The following DLGAP2 variants were observed in gnomAD, a reference collection of about 807,000 sequenced individuals.
DLGAP2 encodes the protein disks large-associated protein 2.
Under a neutral mutation model 100.3 loss-of-function variants are expected in DLGAP2, and 26 were observed. That is an observed-to-expected ratio of 0.26 (90% CI 0.19 to 0.36). The LOEUF is 0.36. Ranked by LOEUF, DLGAP2 falls within the 10% of genes least tolerant of loss-of-function variation. The pLI is 1.00. For synonymous variants in DLGAP2, 886 were observed against 630.1 expected, an observed-to-expected ratio of 1.41 and a Z score of -6.08; for missense variants, 1,858 against 1,453.2, an observed-to-expected ratio of 1.28 and a Z score of -4.53.
intron 2 of DLGAP2, among the ~76,000 whole-genome samples, chr8:1,173,025 G>T (rs1192402908): frequency 6.6e-6 from 1 of 151,976 alleles, no homozygotes; most frequent in Non-Finnish European, 1.5e-5. Flanking sequence ...TCTACTTTTG[G>T]TCTTTGATGA....
chr8:953,984 G>A (rs759912198), intron 2 of DLGAP2, among the ~76,000 whole-genome samples: 63 of 152,294 alleles, frequency 4.1e-4, no homozygotes, highest in Admixed American at 5.9e-4. Context: ...TGTGCCACTG[G>A]TGCTGGCTGT....
rs537572322 is a variant in DLGAP2, at chr8:1,018,379, A to T, written c.73+110413A>T. On this transcript the variant is annotated intron_variant, in intron 2 of 14. Transcript: ENST00000637795. Reference sequence around the variant, plus strand: ...TTTTACTGGGATTCTATTTCGCATTAGGTTGGGAAGTCCTCCTGCAAGCAA... The same window carrying T: ...TTTTACTGGGATTCTATTTCGCATTTGGTTGGGAAGTCCTCCTGCAAGCAA... 8.1e-4 allele frequency among the ~76,000 whole-genome samples: 124 copies of T among 152,312 alleles called. 1 individual carries two copies. The highest frequency in any genetic ancestry group is 2.8e-3 in the African/African-American group (117 of 41,578).
intron 3 of DLGAP2, among the ~76,000 whole-genome samples, chr8:1,292,146 C>G (rs1800072897): frequency 6.6e-6 from 1 of 152,220 alleles, no homozygotes; most frequent in African/African-American, 2.4e-5. Context: ...TGGACACCCT[C>G]CAGAATCGCT....
chr8:1,383,371 G>C (rs547851343), intron 3 of DLGAP2, among the ~76,000 whole-genome samples: 17 of 152,344 alleles, frequency 1.1e-4, no homozygotes, highest in African/African-American at 4.1e-4. Context: ...ATAAAGGGCA[G>C]CAATCCTGAA....
intron 2 of DLGAP2, among the ~76,000 whole-genome samples, chr8:1,053,250 T>C (rs2701908): frequency 0.37 from 56,765 of 151,960 alleles, 10,795 homozygotes; most frequent in East Asian, 0.48. Context: ...GCCAGTCTAT[T>C]TGGGCAAATT....
intron 3 of DLGAP2, among the ~76,000 whole-genome samples, chr8:1,435,207 A>G (rs1797581038): frequency 6.6e-6 from 1 of 152,190 alleles, no homozygotes; most frequent in African/African-American, 2.4e-5. Context: ...GTGTGACTTG[A>G]GCAGCTTTTG....
At chr8:1,210,542 C>T (rs1212437115) in intron 2 of DLGAP2, among the ~76,000 whole-genome samples, 1 of 152,212 alleles carries the variant, frequency 6.6e-6, no homozygotes, top group Non-Finnish European at 1.5e-5. Context: ...CCAGCAAGCA[C>T]AGCACAGGCC....
At chr8:1,359,371 G>C (rs1477442336) in intron 3 of DLGAP2, among the ~76,000 whole-genome samples, 1 of 152,262 alleles carries the variant, frequency 6.6e-6, no homozygotes, top group Non-Finnish European at 1.5e-5. Flanking sequence ...AAAGGAAATT[G>C]AGCCTGTGCT....
intron 8 of DLGAP2, among the ~76,000 whole-genome samples, chr8:1,665,720 G>A (rs1292567586): frequency 1.3e-5 from 2 of 152,232 alleles, no homozygotes; most frequent in Non-Finnish European, 2.9e-5. Flanking sequence ...CCGCAGTCTC[G>A]CTCCAGCGCG....
intron 1 of DLGAP2, among the ~76,000 whole-genome samples, chr8:825,370 C>A (rs2132692853): frequency 6.6e-6 from 1 of 152,292 alleles, no homozygotes; most frequent in East Asian, 1.9e-4. Context: ...TCAGAGAGTT[C>A]TCTGTTGTGG....
At chr8:1,295,518 C>T (rs893875457) in intron 3 of DLGAP2, among the ~76,000 whole-genome samples, 1 of 152,170 alleles carries the variant, frequency 6.6e-6, no homozygotes, top group East Asian at 1.9e-4. Flanking sequence ...TGCTGGAGCA[C>T]CCCAGCCATC....
At chr8:1,474,264 T>C (rs1032297941) in intron 3 of DLGAP2, among the ~76,000 whole-genome samples, 2 of 152,208 alleles carry the variant, frequency 1.3e-5, no homozygotes, top group Non-Finnish European at 2.9e-5. Flanking sequence ...TACCACAGTT[T>C]CTTTATCCAC....
intron 1 of DLGAP2, among the ~76,000 whole-genome samples, chr8:816,131 C>T (rs1438189617): frequency 6.6e-6 from 1 of 152,144 alleles, no homozygotes; most frequent in Admixed American, 6.6e-5. Flanking sequence ...TTGAAGACAG[C>T]AGAAACTTGG....
At chr8:1,696,642 G>A (rs911486531) in intron 13 of DLGAP2, among the ~76,000 whole-genome samples, 3 of 152,210 alleles carry the variant, frequency 2.0e-5, no homozygotes, top group South Asian at 2.1e-4. Context: ...TGTGGGCGCC[G>A]GTTGGTGAGA....
chr8:1,635,659 C>T (rs1003631647), intron 8 of DLGAP2, among the ~76,000 whole-genome samples: 1 of 152,172 alleles, frequency 6.6e-6, no homozygotes, highest in Non-Finnish European at 1.5e-5. Flanking sequence ...TTTATTTAAA[C>T]ACATTACTTT....
chr8:1,700,197 C>T (rs1271004389), intron 14 of DLGAP2, among the ~76,000 whole-genome samples: 1 of 152,226 alleles, frequency 6.6e-6, no homozygotes, highest in Non-Finnish European at 1.5e-5. Context: ...CACCTCTGGG[C>T]TCCCTTTGGA....
chr8:1,602,317 G>T (rs1005456674), intron 6 of DLGAP2, among the ~76,000 whole-genome samples: 1 of 152,160 alleles, frequency 6.6e-6, no homozygotes, highest in African/African-American at 2.4e-5. Flanking sequence ...CTAATTAATG[G>T]TGTGCTCTGA....
Position 1,328,743 on chromosome 8 carries a change from A to G in DLGAP2, c.106+69860A>G, listed in dbSNP as rs145493215. ...CAGAACAACAACCACAGCAAAATGA[A>G]CTAAGCTTCCCATAATAACGGGAGA... On this transcript the variant is annotated intron_variant, in intron 3 of 14. Coordinates refer to ENST00000637795, the MANE Select transcript of DLGAP2 (RefSeq NM_001346810.2). 2.4e-3 allele frequency among the ~76,000 whole-genome samples: 371 copies of G among 152,350 alleles called. 5 individuals are homozygous for G. Among genetic ancestry groups the G allele is most frequent in the South Asian group, 0.015 (70 of 4,824 alleles).
rs146167502 is a variant in DLGAP2 at position 1,603,966 on chromosome 8, C to G, written c.1443-22774C>G. 3.0e-3 allele frequency among the ~76,000 whole-genome samples: 459 copies of G among 152,258 alleles called. 1 individual carries two copies. Among genetic ancestry groups the G allele is most frequent in the African/African-American group, 0.01 (430 of 41,544 alleles). ...TCCTGCAGCTCCAACCCCCACCTCC[C>G]CACATACCCCAGCCACCGCGTCGGC... On this transcript the variant is annotated intron_variant, in intron 6 of 14. Coordinates refer to ENST00000637795, the MANE Select transcript of DLGAP2 (RefSeq NM_001346810.2).
Sources: allele counts gnomAD v4.1 joint callset (sites outside exome capture counted in the v4.1 genomes callset), GRCh38; gene constraint gnomAD v4.1.1; transcripts MANE v1.5; gene names NCBI Gene and HGNC (gene_info 2026-07-23, HGNC 2026-07-21).